Variants in SLC25A33 observed in about 807,000 individuals in gnomAD.
SLC25A33 encodes the protein bone marrow stromal cell mitochondrial carrier protein.
Under a neutral mutation model 35.5 loss-of-function variants are expected in SLC25A33, and 15 were observed. That is an observed-to-expected ratio of 0.42 (90% CI 0.28 to 0.65). The LOEUF (loss-of-function observed/expected upper bound fraction) is 0.65. Among genes scored for constraint, SLC25A33 ranks in the 30% least tolerant of loss-of-function variants. The pLI, the probability that SLC25A33 is intolerant of heterozygous loss-of-function variation, is 0.20. For synonymous variants in SLC25A33, 136 were observed against 148.7 expected, an observed-to-expected ratio of 0.91 and a Z score of 0.62; for missense variants, 257 against 398.5, an observed-to-expected ratio of 0.64 and a Z score of 3.02.
At chr1:9,540,613 T>A (rs1371914506) in intron 1 of SLC25A33, among the ~76,000 whole-genome samples, 3 of 151,786 alleles carry the variant, frequency 2.0e-5, no homozygotes, top group Non-Finnish European at 4.4e-5. Flanking sequence ...TGGCTTGGGG[T>A]CCTTTCGGAG....
chr1:9,571,347 GCA>G (rs1643587873), intron 4 of SLC25A33, among the ~76,000 whole-genome samples: 2 of 152,176 alleles, frequency 1.3e-5, no homozygotes, highest in Non-Finnish European at 2.9e-5. Flanking sequence ...AGGCTGGAGT[GCA>G]ATGGCGCAAT....
chr1:9,556,588 A>G (rs965351505), intron 2 of SLC25A33, among the ~76,000 whole-genome samples: 3 of 152,118 alleles, frequency 2.0e-5, no homozygotes, highest in African/African-American at 7.2e-5. Flanking sequence ...TCACTCAAAA[A>G]GTTTCTGATT....
intron 1 of SLC25A33, among the ~76,000 whole-genome samples, chr1:9,543,879 G>C (rs1303050448): frequency 2.6e-5 from 4 of 152,202 alleles, no homozygotes; most frequent in Non-Finnish European, 5.9e-5. Context: ...GCCGAGGCGG[G>C]TGGATCACCT....
At chr1:9,555,945 G>A (rs377345982) in intron 2 of SLC25A33, among the ~76,000 whole-genome samples, 4 of 152,140 alleles carry the variant, frequency 2.6e-5, no homozygotes, top group Admixed American at 6.6e-5. Flanking sequence ...TTGGCCTCCC[G>A]AAGTACTGGG....
intron 1 of SLC25A33, among the ~76,000 whole-genome samples, chr1:9,551,121 G>A (rs555393784): frequency 6.6e-5 from 10 of 152,040 alleles, no homozygotes; most frequent in African/African-American, 2.4e-4. Context: ...CGTGGCTCAC[G>A]CCTGTAATCC....
At chr1:9,559,545 A>C (rs1341689014) in intron 2 of SLC25A33, among the ~76,000 whole-genome samples, 1 of 152,034 alleles carries the variant, frequency 6.6e-6, no homozygotes, top group African/African-American at 2.4e-5. Context: ...AGGCAAAAAA[A>C]AAAGGTGGGG....
At chr1:9,564,334 G>A (rs1569861769) in intron 2 of SLC25A33, among the ~76,000 whole-genome samples, 1 of 152,248 alleles carries the variant, frequency 6.6e-6, no homozygotes, top group Middle Eastern at 3.4e-3. Context: ...GGAATGTAAG[G>A]TGGTGTAACC....
At chr1:9,564,750 A>G (rs1643478348) in intron 2 of SLC25A33, among the ~76,000 whole-genome samples, 1 of 131,016 alleles carries the variant, frequency 7.6e-6, no homozygotes, top group Non-Finnish European at 1.6e-5. Context: ...ATATATATAT[A>G]TATATATATA....
In SLC25A33 at chr1:9,582,253, TC is replaced by T. The variant is rs1643755948; in HGVS notation, c.764-42del. On this transcript the variant is annotated intron_variant, in intron 6 of 6. Transcript: ENST00000302692. The surrounding 1 kb of genome is among the most constrained non-coding windows in gnomAD (Gnocchi z 4.0). ...TTAAAGTTGTGTGCTGTGGATTCGT[TC>T]CCCATTTAATATGTGGCGTAAAGTA... 6.3e-7 allele frequency: 1 copy of T among 1,598,640 alleles called. No homozygotes were observed. Among genetic ancestry groups the T allele is most frequent in the Admixed American group, 1.7e-5 (1 of 59,910 alleles).
chr1:9,555,107 G>A (rs1414440100), intron 2 of SLC25A33, among the ~76,000 whole-genome samples: 1 of 143,648 alleles, frequency 7.0e-6, no homozygotes, highest in African/African-American at 2.6e-5. Context: ...AACGCATTTA[G>A]CACTTTTTTT....
At chr1:9,569,070 AC>A (rs1180863968) in intron 3 of SLC25A33, among the ~76,000 whole-genome samples, 1 of 151,742 alleles carries the variant, frequency 6.6e-6, no homozygotes, top group Non-Finnish European at 1.5e-5. Flanking sequence ...ACATAGTGAA[AC>A]CCCATCTCTA....
intron 2 of SLC25A33, among the ~76,000 whole-genome samples, chr1:9,560,945 A>G (rs1315340120): frequency 6.6e-6 from 1 of 151,136 alleles, no homozygotes; most frequent in East Asian, 1.9e-4. Flanking sequence ...CTGCTGAGAC[A>G]CATTCTTTTT....
chr1:9,552,860 G>A (rs1285542327), intron 1 of SLC25A33, among the ~76,000 whole-genome samples: 2 of 151,626 alleles, frequency 1.3e-5, no homozygotes, highest in Admixed American at 1.3e-4. Flanking sequence ...AAGCCCCAAA[G>A]GATGTGCTAA....
intron 2 of SLC25A33, among the ~76,000 whole-genome samples, chr1:9,565,747 G>A (rs1171141570): frequency 8.6e-5 from 13 of 150,928 alleles, no homozygotes; most frequent in Non-Finnish European, 1.2e-4. Context: ...GCGTGGTGGC[G>A]GGTGCCTGTA....
intron 5 of SLC25A33, among the ~76,000 whole-genome samples, chr1:9,575,103 C>T (rs1485952232): frequency 6.7e-6 from 1 of 149,382 alleles, no homozygotes; most frequent in African/African-American, 2.5e-5. Context: ...GTCCCAGCTA[C>T]TTGGGAGACT....
At chr1:9,565,662 A>G (rs1223699628) in intron 2 of SLC25A33, among the ~76,000 whole-genome samples, 1 of 151,798 alleles carries the variant, frequency 6.6e-6, no homozygotes, top group African/African-American at 2.4e-5. Flanking sequence ...GCGGATCATC[A>G]GGTCGGGAGA....
At chr1:9,559,491 G>A (rs1643389795) in intron 2 of SLC25A33, among the ~76,000 whole-genome samples, 1 of 151,420 alleles carries the variant, frequency 6.6e-6, no homozygotes, top group Admixed American at 6.6e-5. Flanking sequence ...TTAAACACAA[G>A]GTTTTGTTTT....
intron 4 of SLC25A33, among the ~76,000 whole-genome samples, chr1:9,570,727 AGACAGAGTCTCACTC>A (rs1643579139): frequency 2.7e-5 from 2 of 72,790 alleles, no homozygotes; most frequent in African/African-American, 1.0e-4. Flanking sequence ...TTTTTTTTTG[AGACAGAGTCTCACTC>A]TGTCACCCAG....
At chr1:9,580,368 C>G in intron 6 of SLC25A33, 134 bp downstream of exon 6, 1 of 1,138,274 alleles carries the variant, frequency 8.8e-7, no homozygotes, top group South Asian at 1.5e-5. Flanking sequence ...ATGAGGGAAA[C>G]AGCTCTAACC....
Sources: gnomAD v4.1 joint callset for allele counts (sites outside exome capture counted in the v4.1 genomes callset) on GRCh38, gnomAD v4.1.1 for gene constraint, Gnocchi (gnomAD v3.1) non-coding constraint, MANE v1.5 for transcripts, NCBI Gene and HGNC (gene_info 2026-07-23, HGNC 2026-07-21) for gene names.